Variants in ATF6 observed in about 807,000 individuals in gnomAD.
ATF6 encodes activating transcription factor 6.
In ATF6, 53 loss-of-function variants were observed where a neutral mutation model predicts 83.6. The observed-to-expected ratio is 0.63, with a 90% confidence interval of 0.51 to 0.80. ATF6 has a LOEUF of 0.80. Ranked by LOEUF, ATF6 falls within the 30% of genes least tolerant of loss-of-function variation. The pLI, the probability that ATF6 is intolerant of heterozygous loss-of-function variation, is 0.00. For missense variants in ATF6, 744 were observed against 797.9 expected (o/e 0.93, Z 0.81); for synonymous variants, 288 against 285.8 (o/e 1.01, Z -0.08).
At chr1:161,888,940 C>T (rs1287569538) in intron 14 of ATF6, among the ~76,000 whole-genome samples, 1 of 152,166 alleles carries the variant, frequency 6.6e-6, no homozygotes, top group Non-Finnish European at 1.5e-5. Flanking sequence ...CAGTATTTCC[C>T]CAATACCTCC....
At chr1:161,956,089 A>G (rs1688960950) in intron 15 of ATF6, among the ~76,000 whole-genome samples, 1 of 152,162 alleles carries the variant, frequency 6.6e-6, no homozygotes, top group Non-Finnish European at 1.5e-5. Context: ...AACCGCAGTT[A>G]TCAGTTTAAA....
chr1:161,930,548 A>G (rs1489293310), intron 15 of ATF6, among the ~76,000 whole-genome samples: 1 of 152,194 alleles, frequency 6.6e-6, no homozygotes, highest in African/African-American at 2.4e-5. Flanking sequence ...TATAAAGAGG[A>G]GAATTTTTGA....
rs116228974 is a variant in ATF6 at position 161,918,960 on chromosome 1, G to A, written c.1804+6580G>A. The stretch of plus-strand genomic sequence containing the variant: ...TCAATGTCTGGTCTTAAACTGTAAC[G>A]TATTATGATTATACTTTGTGGTTTT... On this transcript the variant is annotated intron_variant, in intron 15 of 15. Transcript: ENST00000367942. 4.9e-3 allele frequency among the ~76,000 whole-genome samples: 740 copies of A among 152,236 alleles called. 1 individual carries two copies. The highest frequency in any genetic ancestry group is 7.9e-3 in the Non-Finnish European group (540 of 67,988).
intron 9 of ATF6, among the ~76,000 whole-genome samples, chr1:161,829,306 A>G (rs1186270208): frequency 1.3e-5 from 2 of 150,018 alleles, no homozygotes; most frequent in African/African-American, 2.5e-5. Context: ...TTCATGCATA[A>G]TGGGAGACTT....
intron 14 of ATF6, among the ~76,000 whole-genome samples, chr1:161,907,732 C>T (rs1261512443): frequency 6.6e-6 from 1 of 152,024 alleles, no homozygotes; most frequent in Non-Finnish European, 1.5e-5. Flanking sequence ...AGATATGTAT[C>T]TTTATTTCAT....
intron 12 of ATF6, among the ~76,000 whole-genome samples, chr1:161,859,206 A>G (rs771949032): frequency 2.6e-5 from 4 of 152,166 alleles, no homozygotes; most frequent in Non-Finnish European, 4.4e-5. Flanking sequence ...ATAAAATGAG[A>G]TCCTTGACTT....
chr1:161,857,096 C>A (rs1234218236), intron 12 of ATF6, among the ~76,000 whole-genome samples: 1 of 152,114 alleles, frequency 6.6e-6, no homozygotes, highest in Non-Finnish European at 1.5e-5. Flanking sequence ...TGCTTTTATG[C>A]TGTTGTCAAT....
At chr1:161,784,733 C>T (rs1338106608) in intron 4 of ATF6, among the ~76,000 whole-genome samples, 1 of 152,096 alleles carries the variant, frequency 6.6e-6, no homozygotes, top group Non-Finnish European at 1.5e-5. Context: ...ATCTTTGTTC[C>T]TGCAGGCTCT....
chr1:161,829,071 A>C (rs1185378479), intron 9 of ATF6, among the ~76,000 whole-genome samples: 2 of 152,186 alleles, frequency 1.3e-5, no homozygotes, highest in Non-Finnish European at 2.9e-5. Flanking sequence ...TCAATTCAAC[A>C]AGAAGAGCTA....
intron 13 of ATF6, among the ~76,000 whole-genome samples, chr1:161,861,856 G>A (rs929467071): frequency 6.6e-6 from 1 of 152,106 alleles, no homozygotes; most frequent in Non-Finnish European, 1.5e-5. Flanking sequence ...AAATGGCCCC[G>A]AGGCATATTG....
intron 14 of ATF6, among the ~76,000 whole-genome samples, chr1:161,864,754 GTT>G (rs1686955552): frequency 6.6e-6 from 1 of 152,128 alleles, no homozygotes. Flanking sequence ...CAGCCTCAAA[GTT>G]TCTTTTCAGC....
chr1:161,847,352 A>G (rs888764284), intron 10 of ATF6, among the ~76,000 whole-genome samples: 8 of 152,110 alleles, frequency 5.3e-5, no homozygotes, highest in Non-Finnish European at 1.2e-4. Context: ...GTTGAGGGCA[A>G]TCTTTCTTCC....
chr1:161,874,245 A>G (rs1234179965), intron 14 of ATF6, among the ~76,000 whole-genome samples: 1 of 151,606 alleles, frequency 6.6e-6, no homozygotes, highest in Non-Finnish European at 1.5e-5. Context: ...TCTGGAATGA[A>G]TAAGCCCCAG....
intron 4 of ATF6, 74 bp from the exon 5 acceptor site, chr1:161,791,334 G>T: frequency 7.6e-7 from 1 of 1,318,794 alleles, no homozygotes; most frequent in South Asian, 1.5e-5. Flanking sequence ...GTTTATATGT[G>T]GGTCTCCTCC....
chr1:161,912,532 T>C (rs1043803195), intron 15 of ATF6, 152 bp downstream of exon 15: 1 of 479,080 alleles, frequency 2.1e-6, no homozygotes, highest in Admixed American at 4.3e-5. Context: ...TTATTATTTT[T>C]AAGATCCATT....
At chr1:161,919,570 G>A (rs975095156) in intron 15 of ATF6, among the ~76,000 whole-genome samples, 4 of 152,148 alleles carry the variant, frequency 2.6e-5, no homozygotes, top group African/African-American at 7.2e-5. Flanking sequence ...ATCTTTCATA[G>A]GGGAATGAAT....
chr1:161,889,827 AAGT>A (rs1687509696), intron 14 of ATF6, among the ~76,000 whole-genome samples: 1 of 152,260 alleles, frequency 6.6e-6, no homozygotes, highest in South Asian at 2.1e-4. Context: ...GAATATAAAT[AAGT>A]AGAATGAAAT....
rs977049591 is a variant in ATF6, at chr1:161,865,449, C to G, written c.1719+2137C>G. ...CTGGAATTACAGGCATGAGCCACCG[C>G]GCCCAACCAATCCTAGCTTTAAACA... On this transcript the variant is annotated intron_variant, in intron 14 of 15. Coordinates refer to ENST00000367942, the MANE Select transcript of ATF6 (RefSeq NM_007348.4). Among the ~76,000 whole-genome samples, 4 of 152,112 alleles carry G rather than the reference C, an allele frequency of 2.6e-5. No individual in the cohort carries two copies. The East Asian group carries it at 5.8e-4, about 22-fold the overall frequency.
Position 161,784,165 on chromosome 1 carries a change from G to T in ATF6, c.354+69G>T, listed in dbSNP as rs1032103284. 3.7e-6 allele frequency: 4 copies of T among 1,086,826 alleles called. No individual in the cohort carries two copies. In the South Asian group the frequency reaches 5.2e-5, roughly 14 times the overall value. The allele number at this position is 1,086,826 out of a possible 1,614,324, so 67.3% of individuals were successfully genotyped here. A position where few individuals can be genotyped will look rare whatever the true frequency, so the allele number is the denominator to read the frequency against. Reference sequence around the variant, plus strand: ...ATCTGGAAAATATGTATATGGAGGAGGCAGTTAACATTTATTGAATACTAC... The same window carrying T: ...ATCTGGAAAATATGTATATGGAGGATGCAGTTAACATTTATTGAATACTAC... On this transcript the variant is annotated intron_variant, in intron 4 of 15. Transcript: ENST00000367942.
Sources: allele counts gnomAD v4.1 joint callset (sites outside exome capture counted in the v4.1 genomes callset), GRCh38; gene constraint gnomAD v4.1.1; transcripts MANE v1.5; gene names NCBI Gene and HGNC (gene_info 2026-07-23, HGNC 2026-07-21).